Variants in KNTC1 observed in about 807,000 individuals in gnomAD.
The protein encoded by KNTC1 is kinetochore-associated protein 1.
A neutral mutation model predicts 314.4 loss-of-function variants in KNTC1; 253 were observed. The observed-to-expected ratio is 0.80, with a 90% confidence interval of 0.73 to 0.89. The LOEUF (loss-of-function observed/expected upper bound fraction) is 0.89, where lower values mean the gene tolerates loss of function less well. KNTC1 is among the 40% of genes least tolerant of loss of function. The pLI is 0.00. For synonymous variants in KNTC1, 901 were observed against 901.4 expected (o/e 1.00, Z 0.01); for missense variants, 2,475 against 2,572.9 (o/e 0.96, Z 0.82).
At chr12:122,568,985 G>A (rs763986948) in intron 21 of KNTC1, among the ~76,000 whole-genome samples, 3 of 152,106 alleles carry the variant, frequency 2.0e-5, no homozygotes, top group Non-Finnish European at 4.4e-5. Flanking sequence ...ATGAGAACAC[G>A]TGGATGCATG....
At chr12:122,580,063 T>A in intron 32 of KNTC1, 86 bp downstream of exon 32, 1 of 836,940 alleles carries the variant, frequency 1.2e-6, no homozygotes, top group Non-Finnish European at 2.0e-6. Context: ...ACTCTCACCG[T>A]ACCCGCAGTT....
chr12:122,556,507 A>G (rs1181843906), intron 16 of KNTC1, among the ~76,000 whole-genome samples: 3 of 113,972 alleles, frequency 2.6e-5, no homozygotes, highest in African/African-American at 1.1e-4. Flanking sequence ...TTTTTTTGAG[A>G]TGGAGTCTTT....
intron 26 of KNTC1, among the ~76,000 whole-genome samples, 152 bp downstream of exon 26, chr12:122,573,437 C>A (rs953923996): frequency 6.6e-6 from 1 of 152,160 alleles, no homozygotes; most frequent in Non-Finnish European, 1.5e-5. Flanking sequence ...AATTCTGCTA[C>A]TAACCATCTT....
chr12:122,535,066 G>A (rs767719085), intron 3 of KNTC1, among the ~76,000 whole-genome samples: 6 of 152,174 alleles, frequency 3.9e-5, no homozygotes, highest in Non-Finnish European at 7.3e-5. Context: ...GAAAACATGA[G>A]CTCATTTGTG....
chr12:122,598,281 A>G (rs548896638), intron 44 of KNTC1, among the ~76,000 whole-genome samples: 4 of 152,320 alleles, frequency 2.6e-5, no homozygotes, highest in South Asian at 2.1e-4. Context: ...CTTAAACTAA[A>G]TATACTCTTC....
chr12:122,586,374 G>T (rs905257960), intron 37 of KNTC1, among the ~76,000 whole-genome samples: 1 of 152,098 alleles, frequency 6.6e-6, no homozygotes, highest in African/African-American at 2.4e-5. Context: ...GAGCCACCGC[G>T]CCCGGCCGAT....
intron 53 of KNTC1, among the ~76,000 whole-genome samples, chr12:122,612,195 A>G (rs1314354827): frequency 6.6e-6 from 1 of 151,232 alleles, no homozygotes; most frequent in Non-Finnish European, 1.5e-5. Flanking sequence ...CCTCCCGAGT[A>G]GCTGGGATTA....
intron 20 of KNTC1, among the ~76,000 whole-genome samples, chr12:122,564,849 T>C (rs1032584136): frequency 7.2e-5 from 11 of 152,216 alleles, no homozygotes; most frequent in Non-Finnish European, 1.6e-4. Flanking sequence ...CTCATTTCCC[T>C]TCATTGTTAA....
rs1445903747 is a variant in KNTC1, at chr12:122,538,488, T to C, written c.366+34T>C. 2.6e-6 allele frequency: 3 copies of C among 1,151,976 alleles called. No homozygotes were observed. The East Asian group carries it at 7.7e-5, about 30-fold the overall frequency. The allele number at this position is 1,151,976 out of a possible 1,614,324, so 71.4% of individuals were successfully genotyped here. A position where few individuals can be genotyped will look rare whatever the true frequency, so the allele number is the denominator to read the frequency against. On this transcript the variant is annotated intron_variant, in intron 4 of 63. Transcript: ENST00000333479. ...TTGTTGTATTTTAATTTTCATTATTTAAATTCTAAATAATCTCTTAGACAA... is the reference window on the plus strand; with the variant it reads ...TTGTTGTATTTTAATTTTCATTATTCAAATTCTAAATAATCTCTTAGACAA...
intron 30 of KNTC1, 51 bp from the exon 31 acceptor site, chr12:122,577,621 G>C: frequency 6.4e-7 from 1 of 1,564,720 alleles, no homozygotes; most frequent in Non-Finnish European, 8.7e-7. Context: ...AGGCCACACC[G>C]TCCTTTGCAA....
chr12:122,542,778 T>A (rs1020342697), intron 6 of KNTC1, among the ~76,000 whole-genome samples: 2 of 151,852 alleles, frequency 1.3e-5, no homozygotes, highest in African/African-American at 4.8e-5. Context: ...AAAAAAAATA[T>A]ATAGTGCAGA....
chr12:122,554,568 A>T (rs1963446360), intron 16 of KNTC1, among the ~76,000 whole-genome samples: 1 of 152,168 alleles, frequency 6.6e-6, no homozygotes, highest in Admixed American at 6.6e-5. Flanking sequence ...GCTAAAGGTG[A>T]TGAGTACATT....
Position 122,544,071 on chromosome 12 carries a change from A to G in KNTC1, c.559-88A>G. ...TCTCCAAAAAAAAAAAAAAAAATTT[A>G]TAACTGATTGATATCAACTGATTTT... On this transcript the variant is annotated intron_variant, in intron 7 of 63. Coordinates refer to ENST00000333479, the MANE Select transcript of KNTC1 (RefSeq NM_014708.6). 5.4e-6 allele frequency: 3 copies of G among 554,706 alleles called. No individual in the cohort carries two copies. In the East Asian group the frequency reaches 1.0e-4, roughly 19 times the overall value. 34.4% of individuals were successfully genotyped at this position (554,706 alleles called of 1,614,324 possible).
At position 122,582,778 on chromosome 12, in the gene KNTC1, A is replaced by G; in HGVS notation, c.3056A>G (p.His1019Arg). The change falls in exon 34 of 64, where the codon CAC (histidine) becomes CGC (arginine). Residue 1019 changes from histidine (H) to arginine (R), a missense_variant. Physicochemically the swap from His to Arg is conservative, Grantham distance 29. Transcript: ENST00000333479. ...SSLVADLREQ[H>R]IKAHEVAQAK... ...CTGGTAGCAGATCTCCGTGAGCAGC[A>G]CATTAAAGCTCACGAAGTTGCACAG... 1 of 1,612,950 alleles carries G rather than the reference A, an allele frequency of 6.2e-7. No homozygotes were observed. Among genetic ancestry groups the G allele is most frequent in the Non-Finnish European group, 8.5e-7 (1 of 1,179,622 alleles).
In KNTC1 at chr12:122,582,926, A is replaced by G; in HGVS notation, c.3204A>G (p.Ala1068=). Reference sequence around the variant, plus strand: ...AGATGTCCAAACAAGAGCTGGAGGCAGAGCTGACCTTGAGAGCCTTAAAAG... The same window carrying G: ...AGATGTCCAAACAAGAGCTGGAGGCGGAGCTGACCTTGAGAGCCTTAAAAG... ...ALQMSKQELE[A]ELTLRALKDG... The change falls in exon 34 of 64, where the codon GCA becomes GCG. Residue 1068 remains alanine (A), a synonymous_variant. Coordinates refer to ENST00000333479, the MANE Select transcript of KNTC1 (RefSeq NM_014708.6). 1.2e-6 allele frequency: 2 copies of G among 1,613,718 alleles called. No individual in the cohort carries two copies. The highest frequency in any genetic ancestry group is 1.7e-6 in the Non-Finnish European group (2 of 1,179,764).
intron 45 of KNTC1, 42 bp downstream of exon 45, chr12:122,601,667 T>C (rs555649724): frequency 1.4e-6 from 2 of 1,430,510 alleles, no homozygotes; most frequent in East Asian, 2.7e-5. Flanking sequence ...ATCTTTCTGC[T>C]TTTATTTGGA....
intron 31 of KNTC1, among the ~76,000 whole-genome samples, chr12:122,579,537 A>G (rs924266838): frequency 6.6e-6 from 1 of 151,924 alleles, no homozygotes; most frequent in Admixed American, 6.6e-5. Context: ...GAAGGTAGTG[A>G]TTATTTATTA....
rs374767073 is a variant in KNTC1 at position 122,582,888 on chromosome 12, G to A, written c.3166G>A (p.Ala1056Thr). 5.6e-6 allele frequency: 9 copies of A among 1,612,796 alleles called. No homozygotes were observed. In the African/African-American group the frequency reaches 8.0e-5, roughly 14 times the overall value. Residue 1056 changes from alanine to threonine, a missense_variant, in exon 34 of 64, where the codon GCA becomes ACA. Transcript: ENST00000333479. Reference sequence around the variant, plus strand: ...CATGGAATCAAAGCTGCACAGACAGGCACTGGCCCTGCAGATGTCCAAACA... The same window carrying A: ...CATGGAATCAAAGCTGCACAGACAGACACTGGCCCTGCAGATGTCCAAACA... ...PSMESKLHRQ[A>T]LALQMSKQEL...
chr12:122,566,216 C>T (rs1964327785), intron 20 of KNTC1, among the ~76,000 whole-genome samples: 5 of 151,376 alleles, frequency 3.3e-5, no homozygotes, highest in Non-Finnish European at 1.5e-5. Context: ...GCTGGGATTA[C>T]AAGCGTGAGC....
Sources: allele counts gnomAD v4.1 joint callset (sites outside exome capture counted in the v4.1 genomes callset), GRCh38; gene constraint gnomAD v4.1.1; transcripts MANE v1.5; gene names NCBI Gene and HGNC (gene_info 2026-07-23, HGNC 2026-07-21).